PLPPR1: variants seen among roughly 807,000 people sequenced by gnomAD.
PLPPR1 encodes phospholipid phosphatase related 1.
In PLPPR1, 10 loss-of-function variants were observed where a neutral mutation model predicts 33.1. The observed-to-expected ratio is 0.30, with a 90% CI of 0.19 to 0.51. The LOEUF is 0.51. Among genes scored for constraint, PLPPR1 ranks in the 20% least tolerant of loss-of-function variants. The probability of loss-of-function intolerance (pLI) is 0.97; values close to 1 mark genes in which losing one functional copy is unlikely to be tolerated. For synonymous variants in PLPPR1, 151 were observed against 151.0 expected, an observed-to-expected ratio of 1.00 and a Z score of 0.00; for missense variants, 304 against 408.1, an observed-to-expected ratio of 0.74 and a Z score of 2.20.
chr9:101,234,843 C>T (rs1004556100), intron 2 of PLPPR1, among the ~76,000 whole-genome samples: 1 of 151,874 alleles, frequency 6.6e-6, no homozygotes, highest in African/African-American at 2.4e-5. Context: ...AGACTTAAAT[C>T]AGAGAAATTT....
chr9:101,254,581 A>G (rs1171549203), intron 2 of PLPPR1, among the ~76,000 whole-genome samples: 3 of 152,110 alleles, frequency 2.0e-5, no homozygotes, highest in South Asian at 2.1e-4. Context: ...TGGCTCTTCC[A>G]TGCTGTGTGA....
chr9:101,285,811 A>G (rs1187515352), intron 3 of PLPPR1, among the ~76,000 whole-genome samples: 1 of 152,162 alleles, frequency 6.6e-6, no homozygotes, highest in African/African-American at 2.4e-5. Flanking sequence ...AAAGAATTCA[A>G]TCCCAGCATG....
intron 1 of PLPPR1, among the ~76,000 whole-genome samples, chr9:101,094,295 T>C (rs1830787164): frequency 6.6e-6 from 1 of 152,180 alleles, no homozygotes. Flanking sequence ...CTCTGTATAG[T>C]ATCTTTGGCT....
At chr9:101,239,060 AGTGTGTGTGT>A (rs60620773) in intron 2 of PLPPR1, among the ~76,000 whole-genome samples, 1 of 147,434 alleles carries the variant, frequency 6.8e-6, no homozygotes, top group Non-Finnish European at 1.5e-5. Context: ...AATTTCATTG[AGTGTGTGTGT>A]GTGTGTGTGT....
At chr9:101,281,602 A>T (rs986652040) in intron 3 of PLPPR1, among the ~76,000 whole-genome samples, 1 of 151,886 alleles carries the variant, frequency 6.6e-6, no homozygotes, top group Non-Finnish European at 1.5e-5. Context: ...AGAAATTAAT[A>T]AAATAAGAAT....
chr9:101,244,351 A>T (rs1018514158), intron 2 of PLPPR1, among the ~76,000 whole-genome samples: 1 of 152,050 alleles, frequency 6.6e-6, no homozygotes, highest in Non-Finnish European at 1.5e-5. Flanking sequence ...GAAGCAGTGA[A>T]GATGAAGAGA....
At chr9:101,298,278 T>C (rs1310560828) in intron 4 of PLPPR1, among the ~76,000 whole-genome samples, 1 of 152,176 alleles carries the variant, frequency 6.6e-6, no homozygotes, top group Non-Finnish European at 1.5e-5. Context: ...AAAAATTTAA[T>C]TAAATACCAG....
Position 101,153,333 on chromosome 9 carries a change from C to T in PLPPR1, c.-45-32117C>T, listed in dbSNP as rs113688126. Among the ~76,000 whole-genome samples, 462 of 152,292 alleles carry T rather than the reference C, an allele frequency of 3.0e-3. 3 individuals are homozygous for T. Among genetic ancestry groups the T allele is most frequent in the African/African-American group, 0.011 (442 of 41,572 alleles). On this transcript the variant is annotated intron_variant, in intron 1 of 7. Coordinates refer to ENST00000374874, the MANE Select transcript of PLPPR1 (RefSeq NM_207299.2). ...TTTTCTAAATATATAATCATGTCAT[C>T]TGCAAACAGGGACAATTTGACTTCC...
rs112325121 is a variant in PLPPR1 at position 101,056,425 on chromosome 9, T to TA, written c.-46+27333dup. ...TCCTGAGAGAATTTGTTTAGGTAAT[T>TA]AAAAAAAAAATCAAAGAGATTGTTG... On this transcript the variant is annotated intron_variant, in intron 1 of 7. Coordinates refer to ENST00000374874, the MANE Select transcript of PLPPR1 (RefSeq NM_207299.2). Among the ~76,000 whole-genome samples, 825 of 150,510 alleles carry TA rather than the reference T, an allele frequency of 5.5e-3. 2 individuals are homozygous for TA. Among genetic ancestry groups the TA allele is most frequent in the Non-Finnish European group, 7.5e-3 (506 of 67,470 alleles).
At chr9:101,290,173 A>C (rs937958300) in intron 4 of PLPPR1, among the ~76,000 whole-genome samples, 3 of 152,230 alleles carry the variant, frequency 2.0e-5, no homozygotes, top group Non-Finnish European at 4.4e-5. Flanking sequence ...AGAGTAAAAT[A>C]AGGGAGTAAT....
intron 1 of PLPPR1, among the ~76,000 whole-genome samples, chr9:101,032,954 C>T (rs938218367): frequency 3.9e-5 from 6 of 152,098 alleles, no homozygotes; most frequent in Non-Finnish European, 7.3e-5. Context: ...GTATAAATTC[C>T]CTTTTCCCCC....
chr9:101,252,483 GA>G (rs1434852776), intron 2 of PLPPR1, among the ~76,000 whole-genome samples: 2 of 152,092 alleles, frequency 1.3e-5, no homozygotes, highest in Admixed American at 6.6e-5. Context: ...ATGTGTTTGG[GA>G]AAGACATTAT....
chr9:101,174,754 C>T (rs906265914), intron 1 of PLPPR1, among the ~76,000 whole-genome samples: 2 of 152,102 alleles, frequency 1.3e-5, no homozygotes, highest in South Asian at 2.1e-4. Flanking sequence ...CATGGGAGCA[C>T]GTGAGGTAGC....
chr9:101,174,458 T>C (rs1825989983), intron 1 of PLPPR1, among the ~76,000 whole-genome samples: 1 of 152,202 alleles, frequency 6.6e-6, no homozygotes, highest in African/African-American at 2.4e-5. Flanking sequence ...GCAATTTAAC[T>C]GACATCAAGG....
At chr9:101,040,144 T>C (rs1830059377) in intron 1 of PLPPR1, among the ~76,000 whole-genome samples, 1 of 152,196 alleles carries the variant, frequency 6.6e-6, no homozygotes, top group Non-Finnish European at 1.5e-5. Flanking sequence ...TGCATGATTT[T>C]ATTTTCATGC....
Position 101,181,628 on chromosome 9 carries a change from G to GTGTA in PLPPR1, c.-45-3819_-45-3818insATGT, listed in dbSNP as rs1554732863. ...TATGTATGTGTGTGTGTGTGTGTGT[G>GTGTA]TGTGTATGTGTATGTATATACATGT... On this transcript the variant is annotated intron_variant, in intron 1 of 7. Coordinates refer to ENST00000374874, the MANE Select transcript of PLPPR1 (RefSeq NM_207299.2). 2.0e-3 allele frequency among the ~76,000 whole-genome samples: 294 copies of GTGTA among 146,354 alleles called. 1 individual carries two copies. The highest frequency in any genetic ancestry group is 3.5e-3 in the Middle Eastern group (1 of 282).
chr9:101,041,819 G>GTT (rs1412422454), intron 1 of PLPPR1, among the ~76,000 whole-genome samples: 6 of 152,164 alleles, frequency 3.9e-5, no homozygotes, highest in Non-Finnish European at 8.8e-5. Context: ...ATTATTGAAT[G>GTT]TTTTATGGTT....
At chr9:101,057,616 A>G (rs1429353649) in intron 1 of PLPPR1, among the ~76,000 whole-genome samples, 1 of 152,168 alleles carries the variant, frequency 6.6e-6, no homozygotes, top group African/African-American at 2.4e-5. Flanking sequence ...AGTGTTTTAT[A>G]TATTTATACT....
chr9:101,286,917 T>A (rs1828404293), intron 4 of PLPPR1, among the ~76,000 whole-genome samples: 1 of 152,168 alleles, frequency 6.6e-6, no homozygotes, highest in Admixed American at 6.5e-5. Context: ...TCTAATGAGA[T>A]CCTACAAATA....
Sources: gnomAD v4.1 joint callset for allele counts (sites outside exome capture counted in the v4.1 genomes callset) on GRCh38, gnomAD v4.1.1 for gene constraint, MANE v1.5 for transcripts, NCBI Gene and HGNC (gene_info 2026-07-23, HGNC 2026-07-21) for gene names.